The following CNTN1 variants were observed in gnomAD, a reference collection of about 807,000 sequenced individuals.
CNTN1 encodes contactin 1.
In CNTN1, 38 loss-of-function variants were observed where a neutral mutation model predicts 126.4. The observed-to-expected ratio is 0.30, with a 90% confidence interval of 0.23 to 0.39. CNTN1 has a LOEUF of 0.39. CNTN1 is among the 10% of genes least tolerant of loss of function. The probability of loss-of-function intolerance (pLI) is 1.00; values close to 1 mark genes in which losing one functional copy is unlikely to be tolerated. For synonymous variants in CNTN1, 413 were observed against 422.6 expected (o/e 0.98, Z 0.28); for missense variants, 1,009 against 1,248.4 (o/e 0.81, Z 2.89).
intron 16 of CNTN1, among the ~76,000 whole-genome samples, chr12:40,989,905 A>T (rs1490185114): frequency 6.6e-6 from 1 of 152,092 alleles, no homozygotes; most frequent in Non-Finnish European, 1.5e-5. Flanking sequence ...GATATGGGCT[A>T]CTTAGCTCAA....
At chr12:40,709,118 TA>T (rs770888514) in intron 1 of CNTN1, among the ~76,000 whole-genome samples, 3 of 152,230 alleles carry the variant, frequency 2.0e-5, no homozygotes, top group Admixed American at 1.3e-4. Context: ...ATTTCCTAAA[TA>T]AAAAAAACTT....
At chr12:40,755,022 C>G (rs1490689342) in intron 1 of CNTN1, among the ~76,000 whole-genome samples, 5 of 151,478 alleles carry the variant, frequency 3.3e-5, no homozygotes, top group Non-Finnish European at 7.4e-5. Flanking sequence ...GAGACTCTGC[C>G]TCTACAAAAC....
At chr12:40,742,797 C>A (rs1464700634) in intron 1 of CNTN1, among the ~76,000 whole-genome samples, 1 of 152,056 alleles carries the variant, frequency 6.6e-6, no homozygotes, top group Non-Finnish European at 1.5e-5. Context: ...TGATAATTTT[C>A]CTCCTCAATC....
At chr12:40,963,463 T>C (rs1241862264) in intron 15 of CNTN1, among the ~76,000 whole-genome samples, 1 of 152,016 alleles carries the variant, frequency 6.6e-6, no homozygotes, top group Non-Finnish European at 1.5e-5. Flanking sequence ...TTGTATAATA[T>C]ACCTGAAGGA....
intron 9 of CNTN1, among the ~76,000 whole-genome samples, chr12:40,934,726 G>A (rs1946021100): frequency 6.6e-6 from 1 of 151,968 alleles, no homozygotes; most frequent in African/African-American, 2.4e-5. Context: ...CTCTAAAAGT[G>A]TTGTCTCCAT....
intron 17 of CNTN1, among the ~76,000 whole-genome samples, chr12:41,000,749 C>T (rs190305003): frequency 1.3e-5 from 2 of 152,122 alleles, no homozygotes; most frequent in Admixed American, 1.3e-4. Context: ...GCATAGTACC[C>T]ATTAGTTGTT....
chr12:40,785,464 G>C (rs1009701375), intron 1 of CNTN1, among the ~76,000 whole-genome samples: 1 of 152,144 alleles, frequency 6.6e-6, no homozygotes, highest in African/African-American at 2.4e-5. Flanking sequence ...CAACAAGGCT[G>C]TTTATTTCAC....
chr12:40,770,600 T>C (rs73112616), intron 1 of CNTN1, among the ~76,000 whole-genome samples: 3,055 of 152,210 alleles, frequency 0.02, 91 homozygotes, highest in African/African-American at 0.069. Context: ...TAGTAAAGGG[T>C]GTATATATAG....
chr12:40,975,469 C>T (rs10879452), intron 15 of CNTN1, among the ~76,000 whole-genome samples: 33,708 of 151,486 alleles, frequency 0.22, 4,293 homozygotes, highest in African/African-American at 0.33. Flanking sequence ...AGTAGCTGTT[C>T]GTAAACTTGT....
chr12:40,861,311 A>C (rs556132883), intron 1 of CNTN1, among the ~76,000 whole-genome samples: 1 of 152,108 alleles, frequency 6.6e-6, no homozygotes, highest in Admixed American at 6.6e-5. Context: ...TAATGCTCCT[A>C]GCACTAATCC....
intron 1 of CNTN1, among the ~76,000 whole-genome samples, chr12:40,896,720 C>T (rs1372479511): frequency 6.6e-6 from 1 of 152,108 alleles, no homozygotes; most frequent in Non-Finnish European, 1.5e-5. Context: ...TTCAGTTTCC[C>T]AATATTCAAC....
chr12:40,825,323 A>G (rs923396990), intron 1 of CNTN1, among the ~76,000 whole-genome samples: 3 of 151,588 alleles, frequency 2.0e-5, no homozygotes, highest in Non-Finnish European at 4.4e-5. Context: ...TTTTTTTTTT[A>G]TGTTGGAGAC....
At chr12:40,716,733 C>T (rs943211764) in intron 1 of CNTN1, among the ~76,000 whole-genome samples, 1 of 152,132 alleles carries the variant, frequency 6.6e-6, no homozygotes, top group Non-Finnish European at 1.5e-5. Context: ...GATCTCATTA[C>T]GTAGTTACAG....
chr12:40,694,566 A>G (rs1941399267), intron 1 of CNTN1, among the ~76,000 whole-genome samples: 1 of 152,218 alleles, frequency 6.6e-6, no homozygotes, highest in Admixed American at 6.5e-5. Flanking sequence ...TGGCAACAAA[A>G]TGTGGTTAAT....
chr12:40,705,780 C>G (rs2121134565), intron 1 of CNTN1, among the ~76,000 whole-genome samples: 1 of 152,238 alleles, frequency 6.6e-6, no homozygotes, highest in Middle Eastern at 3.4e-3. Context: ...AAGCATAATG[C>G]AGGCATTGCT....
rs1591989260 is a variant in CNTN1, at chr12:40,703,213, A to C, written c.-77+10621A>C. On this transcript the variant is annotated intron_variant, in intron 1 of 23. Transcript: ENST00000551295. Reference sequence around the variant, plus strand: ...CAAATAAAATTATTACTGAAAAAATAATATAAATGAAGCATAGCTGTGTGC... The same window carrying C: ...CAAATAAAATTATTACTGAAAAAATCATATAAATGAAGCATAGCTGTGTGC... Among the ~76,000 whole-genome samples the C allele has an allele frequency of 2.6e-5, 4 of 152,196 alleles. No homozygotes were observed. The East Asian group carries it at 7.7e-4, about 29-fold the overall frequency.
chr12:40,951,359 C>G (rs1394883417), intron 14 of CNTN1, among the ~76,000 whole-genome samples: 1 of 152,032 alleles, frequency 6.6e-6, no homozygotes, highest in Non-Finnish European at 1.5e-5. Flanking sequence ...TAGAAATTAT[C>G]CTGGACAACT....
chr12:40,893,084 T>C (rs1295594813), intron 1 of CNTN1, among the ~76,000 whole-genome samples: 2 of 152,118 alleles, frequency 1.3e-5, no homozygotes, highest in East Asian at 1.9e-4. Context: ...AAATAAAGAA[T>C]GTATGGTCAC....
chr12:40,742,476 A>G (rs1370237297), intron 1 of CNTN1: 1 of 152,058 alleles, frequency 6.6e-6, no homozygotes, highest in Non-Finnish European at 1.5e-5. Flanking sequence ...TCAAGTGAGT[A>G]AAGTTTGTCT....
Sources: gnomAD v4.1 joint callset for allele counts (sites outside exome capture counted in the v4.1 genomes callset) on GRCh38, gnomAD v4.1.1 for gene constraint, MANE v1.5 for transcripts, NCBI Gene and HGNC (gene_info 2026-07-23, HGNC 2026-07-21) for gene names.